Variants in ATF7IP observed in about 807,000 individuals in gnomAD.
ATF7IP encodes the protein activating transcription factor 7 interacting protein.
A neutral mutation model predicts 106.4 loss-of-function variants in ATF7IP; 23 were observed. That is an observed-to-expected ratio of 0.22 (90% CI 0.16 to 0.31). The LOEUF (loss-of-function observed/expected upper bound fraction) is 0.31, where lower values mean the gene tolerates loss of function less well. ATF7IP is among the 10% of genes least tolerant of loss of function. The pLI, the probability that ATF7IP is intolerant of heterozygous loss-of-function variation, is 1.00. For missense variants in ATF7IP, 1,334 were observed against 1,524.3 expected, an observed-to-expected ratio of 0.88 and a Z score of 2.08; for synonymous variants, 542 against 539.0, an observed-to-expected ratio of 1.01 and a Z score of -0.08.
At chr12:14,463,316 T>C (rs1943710374) in intron 9 of ATF7IP, among the ~76,000 whole-genome samples, 1 of 152,196 alleles carries the variant, frequency 6.6e-6, no homozygotes, top group Non-Finnish European at 1.5e-5. Context: ...TTTAAATCAC[T>C]ATTTTCTGTT....
At chr12:14,479,101 G>A (rs989159020) in intron 12 of ATF7IP, among the ~76,000 whole-genome samples, 1 of 152,172 alleles carries the variant, frequency 6.6e-6, no homozygotes, top group Non-Finnish European at 1.5e-5. Context: ...GGGCAACACA[G>A]TGAAACCCCG....
At chr12:14,459,301 C>G (rs1943551017) in intron 8 of ATF7IP, among the ~76,000 whole-genome samples, 1 of 152,030 alleles carries the variant, frequency 6.6e-6, no homozygotes, top group African/African-American at 2.4e-5. Flanking sequence ...CTTAACTATC[C>G]TACTTTGGCA....
At chr12:14,377,129 G>A (rs1039535610) in intron 1 of ATF7IP, among the ~76,000 whole-genome samples, 4 of 151,566 alleles carry the variant, frequency 2.6e-5, no homozygotes, top group African/African-American at 9.7e-5. Flanking sequence ...CGAGTAGCTG[G>A]GATTACAGAA....
chr12:14,490,204 A>C (rs992708365), intron 13 of ATF7IP, among the ~76,000 whole-genome samples: 1 of 152,192 alleles, frequency 6.6e-6, no homozygotes, highest in African/African-American at 2.4e-5. Context: ...GTGGCTGCGG[A>C]TAGAGGCCGA....
At position 14,446,975 on chromosome 12, in the gene ATF7IP, T is replaced by TC; in HGVS notation, c.1930-13_1930-12insC. 1.3e-6 allele frequency: 2 copies of TC among 1,556,048 alleles called. No individual in the cohort carries two copies. Among genetic ancestry groups the TC allele is most frequent in the Non-Finnish European group, 1.7e-6 (2 of 1,158,524 alleles). ...TGATTTCCATTCATTTTTGTCTTTT[T>TC]TTTTTTTTTCAGGCCAAGATAGCCA... On this transcript the variant is annotated splice_polypyrimidine_tract_variant and intron_variant, in intron 5 of 14. Coordinates refer to ENST00000261168, the MANE Select transcript of ATF7IP (RefSeq NM_018179.5).
intron 10 of ATF7IP, among the ~76,000 whole-genome samples, chr12:14,468,122 C>A (rs1419370044): frequency 1.3e-5 from 2 of 151,572 alleles, no homozygotes; most frequent in Non-Finnish European, 2.9e-5. Flanking sequence ...CAAAAATTTG[C>A]CTGGTGTGGT....
intron 5 of ATF7IP, among the ~76,000 whole-genome samples, chr12:14,439,919 A>C (rs1198277457): frequency 6.6e-6 from 1 of 152,154 alleles, no homozygotes; most frequent in Admixed American, 6.6e-5. Flanking sequence ...ATCATCTCAC[A>C]CATAAGGTGC....
intron 1 of ATF7IP, among the ~76,000 whole-genome samples, chr12:14,400,579 T>A (rs976465230): frequency 2.0e-5 from 3 of 152,168 alleles, no homozygotes; most frequent in African/African-American, 4.8e-5. Flanking sequence ...ATTTTTTTTT[T>A]AATTCCTGGG....
intron 13 of ATF7IP, among the ~76,000 whole-genome samples, chr12:14,494,744 C>T (rs1489311782): frequency 6.6e-6 from 1 of 151,156 alleles, no homozygotes; most frequent in African/African-American, 2.4e-5. Context: ...ATGAGCCTGG[C>T]CAACATCGTG....
intron 6 of ATF7IP, among the ~76,000 whole-genome samples, chr12:14,450,010 T>C (rs1021445092): frequency 6.6e-6 from 1 of 152,202 alleles, no homozygotes; most frequent in Admixed American, 6.5e-5. Context: ...GATATGCAAC[T>C]GATTTTTGCA....
Position 14,457,309 on chromosome 12 carries a change from T to A in ATF7IP, c.2158+14T>A, listed in dbSNP as rs747008002. 7.1e-6 allele frequency: 11 copies of A among 1,544,928 alleles called. No homozygotes were observed. Among genetic ancestry groups the A allele is most frequent in the Middle Eastern group, 1.7e-4 (1 of 5,926 alleles). ...CTGTGAATACAGGTAACTTTTTTTT[T>A]AAATACCAAAATACATTTTCTTAGG... On this transcript the variant is annotated intron_variant, in intron 8 of 14. Transcript: ENST00000261168.
chr12:14,443,904 T>G (rs1457576169), intron 5 of ATF7IP, among the ~76,000 whole-genome samples: 1 of 152,104 alleles, frequency 6.6e-6, no homozygotes, highest in Non-Finnish European at 1.5e-5. Flanking sequence ...AGAAAAAGAT[T>G]TCACATATGG....
At chr12:14,480,760 C>T (rs1259831019) in intron 12 of ATF7IP, among the ~76,000 whole-genome samples, 3 of 152,102 alleles carry the variant, frequency 2.0e-5, no homozygotes, top group Non-Finnish European at 2.9e-5. Flanking sequence ...TCTGGTCAAA[C>T]CAGAGTGGGA....
intron 8 of ATF7IP, 91 bp downstream of exon 8, chr12:14,457,386 T>G (rs996571948): frequency 3.0e-6 from 3 of 988,044 alleles, no homozygotes; most frequent in African/African-American, 3.3e-5. Flanking sequence ...TTGAAATGGA[T>G]TAAGAAATTG....
At chr12:14,401,846 TG>T (rs1267649151) in intron 1 of ATF7IP, among the ~76,000 whole-genome samples, 1 of 151,064 alleles carries the variant, frequency 6.6e-6, no homozygotes, top group Non-Finnish European at 1.5e-5. Flanking sequence ...CCCGAGTAGC[TG>T]GGGTTACAGG....
In ATF7IP at chr12:14,383,268, A is replaced by G. The variant is rs188084993; in HGVS notation, c.-8+17441A>G. 1.2e-4 allele frequency among the ~76,000 whole-genome samples: 19 copies of G among 152,358 alleles called. 1 individual carries two copies. The highest frequency in any genetic ancestry group is 1.2e-3 in the Admixed American group (19 of 15,302). ...TTGGTAGACTATGTTTAGACTAAGA[A>G]AAAAGTAGTCAGGATTTACATTGGA... is the stretch of plus-strand genomic sequence containing the variant. On this transcript the variant is annotated intron_variant, in intron 1 of 14. Coordinates refer to ENST00000261168, the MANE Select transcript of ATF7IP (RefSeq NM_018179.5).
intron 5 of ATF7IP, among the ~76,000 whole-genome samples, chr12:14,438,585 C>T (rs1214960088): frequency 6.6e-6 from 1 of 152,036 alleles, no homozygotes; most frequent in Non-Finnish European, 1.5e-5. Flanking sequence ...TGTTGGTTTG[C>T]GGACAGTTCT....
At chr12:14,443,486 G>A (rs1388072403) in intron 5 of ATF7IP, among the ~76,000 whole-genome samples, 3 of 152,204 alleles carry the variant, frequency 2.0e-5, no homozygotes, top group African/African-American at 7.2e-5. Context: ...TGTAGGAAAG[G>A]TGAAAAATAG....
chr12:14,497,248 G>A (rs2136882700), intron 14 of ATF7IP, among the ~76,000 whole-genome samples: 1 of 152,190 alleles, frequency 6.6e-6, no homozygotes, highest in African/African-American at 2.4e-5. Flanking sequence ...AATTTTATAT[G>A]ATCTTGGTTG....
Sources: allele counts gnomAD v4.1 joint callset (sites outside exome capture counted in the v4.1 genomes callset), GRCh38; gene constraint gnomAD v4.1.1; transcripts MANE v1.5; gene names NCBI Gene and HGNC (gene_info 2026-07-23, HGNC 2026-07-21).